The following SPIRE1 variants were observed in gnomAD, a reference collection of about 807,000 sequenced individuals.
The protein encoded by SPIRE1 is protein spire homolog 1.
A neutral mutation model predicts 94.1 loss-of-function variants in SPIRE1; 40 were observed. That is an observed-to-expected ratio of 0.43 (90% CI 0.33 to 0.55). The LOEUF (loss-of-function observed/expected upper bound fraction) is 0.55. SPIRE1 is among the 20% of genes least tolerant of loss of function. The probability of loss-of-function intolerance (pLI) is 0.06; values close to 1 mark genes in which losing one functional copy is unlikely to be tolerated. For synonymous variants in SPIRE1, 376 were observed against 371.7 expected (o/e 1.01, Z -0.13); for missense variants, 838 against 975.2 (o/e 0.86, Z 1.87).
intron 9 of SPIRE1, among the ~76,000 whole-genome samples, chr18:12,482,614 T>G (rs1261157048): frequency 6.6e-6 from 1 of 152,148 alleles, no homozygotes; most frequent in Non-Finnish European, 1.5e-5. Context: ...CTGGCAGAAA[T>G]TCATAAAGAT....
At chr18:12,654,743 C>T (rs1248810642) in intron 1 of SPIRE1, among the ~76,000 whole-genome samples, 5 of 148,876 alleles carry the variant, frequency 3.4e-5, no homozygotes, top group Admixed American at 6.7e-5. Context: ...AAAACTGAAA[C>T]GAGAAGTCAG....
chr18:12,593,742 G>T (rs1192721374), intron 2 of SPIRE1, among the ~76,000 whole-genome samples: 1 of 152,126 alleles, frequency 6.6e-6, no homozygotes, highest in African/African-American at 2.4e-5. Flanking sequence ...CTGAGGTCAG[G>T]AGTTCAAGAC....
chr18:12,484,060 A>G (rs2032946060), intron 9 of SPIRE1, among the ~76,000 whole-genome samples: 1 of 152,248 alleles, frequency 6.6e-6, no homozygotes, highest in Non-Finnish European at 1.5e-5. Context: ...AACCCATCGT[A>G]TAGGCTGCAA....
At chr18:12,564,539 A>G (rs1373814638) in intron 2 of SPIRE1, among the ~76,000 whole-genome samples, 2 of 152,232 alleles carry the variant, frequency 1.3e-5, no homozygotes, top group Non-Finnish European at 2.9e-5. Context: ...ACAAGTAAAA[A>G]GCTGAACAAA....
At chr18:12,470,833 T>C (rs866525756) in intron 10 of SPIRE1, among the ~76,000 whole-genome samples, 1 of 152,218 alleles carries the variant, frequency 6.6e-6, no homozygotes, top group Middle Eastern at 3.4e-3. Flanking sequence ...TCTCAGAGGC[T>C]GGCTGATCCT....
At chr18:12,463,616 A>G (rs2031966062) in intron 11 of SPIRE1, 123 bp from the exon 12 acceptor site, 6 of 798,230 alleles carry the variant, frequency 7.5e-6, no homozygotes, top group Middle Eastern at 3.9e-4. Context: ...AGATATTTTA[A>G]GATGGTAATG....
At chr18:12,661,667 C>T (rs1414647126), upstream of SPIRE1, among the ~76,000 whole-genome samples, 1 of 151,824 alleles carries the variant, frequency 6.6e-6, no homozygotes, top group Non-Finnish European at 1.5e-5. Flanking sequence ...CCCAGCTACT[C>T]GGGAGGCTGA....
chr18:12,504,975 C>A (rs1156339995), intron 6 of SPIRE1, among the ~76,000 whole-genome samples: 1 of 152,158 alleles, frequency 6.6e-6, no homozygotes, highest in East Asian at 1.9e-4. Context: ...AAGCAGAACC[C>A]TGCAGGGAAG....
chr18:12,578,624 A>G (rs910984738), intron 2 of SPIRE1, among the ~76,000 whole-genome samples: 2 of 152,198 alleles, frequency 1.3e-5, no homozygotes, highest in African/African-American at 4.8e-5. Context: ...ATTTTTTTAA[A>G]AAACTGAACA....
chr18:12,505,960 C>T (rs2033817763), intron 6 of SPIRE1, among the ~76,000 whole-genome samples: 1 of 152,148 alleles, frequency 6.6e-6, no homozygotes, highest in South Asian at 2.1e-4. Flanking sequence ...TATTGATCAA[C>T]ATGTTAACAA....
intron 2 of SPIRE1, among the ~76,000 whole-genome samples, chr18:12,569,224 T>C (rs1377773027): frequency 6.6e-5 from 10 of 151,860 alleles, no homozygotes; most frequent in African/African-American, 2.4e-4. Flanking sequence ...GCACCTGTAT[T>C]CCCAGCTACT....
chr18:12,649,857 T>C (rs2038327712), intron 1 of SPIRE1, among the ~76,000 whole-genome samples: 1 of 152,204 alleles, frequency 6.6e-6, no homozygotes, highest in Admixed American at 6.5e-5. Context: ...CACAAATACA[T>C]TATTCCAAAA....
chr18:12,603,364 T>A (rs74442766), intron 2 of SPIRE1, among the ~76,000 whole-genome samples: 21,201 of 152,118 alleles, frequency 0.14, 1,764 homozygotes, highest in African/African-American at 0.2. Context: ...CATCCCTATC[T>A]CCTGGCATAC....
intron 2 of SPIRE1, among the ~76,000 whole-genome samples, chr18:12,630,652 G>C (rs1168791907): frequency 6.6e-6 from 1 of 152,148 alleles, no homozygotes; most frequent in Non-Finnish European, 1.5e-5. Context: ...GCAAGACTCT[G>C]TCTCAAAAAA....
rs1026915255 is a variant in SPIRE1, at chr18:12,449,473, C to G, written c.*165G>C. 3 of 710,836 alleles carry G rather than the reference C, an allele frequency of 4.2e-6. No individual in the cohort carries two copies. Among genetic ancestry groups the G allele is most frequent in the African/African-American group, 3.6e-5 (2 of 55,808 alleles). 44.0% of individuals were successfully genotyped at this position (710,836 alleles called of 1,614,324 possible). A position where few individuals can be genotyped will look rare whatever the true frequency, so the allele number is the denominator to read the frequency against. ...ACCTGTCACGTTTCATCAATCGATA[C>G]GAACACAGCATTCAGTCTGTGGAAC... On this transcript the variant is annotated 3_prime_UTR_variant, in exon 17 of 17. Transcript: ENST00000409402.
At chr18:12,557,270 G>A (rs1296157637) in intron 2 of SPIRE1, among the ~76,000 whole-genome samples, 1 of 152,222 alleles carries the variant, frequency 6.6e-6, no homozygotes, top group Non-Finnish European at 1.5e-5. Flanking sequence ...CTCAGGCATG[G>A]CAGGCTGCAG....
At position 12,479,702 on chromosome 18, in the gene SPIRE1, A is replaced by G; in HGVS notation, c.1401T>C (p.Ser467=). The G allele has an allele frequency of 6.2e-7, 1 of 1,605,446 alleles. No individual in the cohort carries two copies. The highest frequency in any genetic ancestry group is 8.5e-7 in the Non-Finnish European group (1 of 1,177,596). ...GCTGGGTGAACTGGGGCCTCACCTC[A>G]GACTCAGAGCTGTCCAGTTCGGCCA... ...PTLAELDSSE[S]EEETLHKSTS... Residue 467 remains serine, a synonymous_variant, in exon 10 of 17, where the codon TCT becomes TCC. Transcript: ENST00000409402.
chr18:12,646,444 G>C (rs891169617), intron 1 of SPIRE1, among the ~76,000 whole-genome samples: 3 of 152,166 alleles, frequency 2.0e-5, no homozygotes, highest in Admixed American at 1.3e-4. Flanking sequence ...ATCTGGCACA[G>C]TGCACTTAGA....
intron 1 of SPIRE1, among the ~76,000 whole-genome samples, chr18:12,638,405 C>T (rs2037994812): frequency 6.6e-6 from 1 of 152,220 alleles, no homozygotes; most frequent in African/African-American, 2.4e-5. Flanking sequence ...GATAGTGCCA[C>T]AGCACTCCAG....
Sources: gnomAD v4.1 joint callset for allele counts (sites outside exome capture counted in the v4.1 genomes callset) on GRCh38, gnomAD v4.1.1 for gene constraint, MANE v1.5 for transcripts, NCBI Gene and HGNC (gene_info 2026-07-23, HGNC 2026-07-21) for gene names.